The following SLC22A9 variants were observed in gnomAD, a reference collection of about 807,000 sequenced individuals.
SLC22A9 encodes organic anion transporter 7.
A neutral mutation model predicts 50.1 loss-of-function variants in SLC22A9; 64 were observed. That is an observed-to-expected ratio of 1.28 (90% CI 1.04 to 1.57). The LOEUF is 1.57. Ranked by LOEUF, SLC22A9 falls within the 40% of genes most tolerant of loss-of-function variation. The pLI, the probability that SLC22A9 is intolerant of heterozygous loss-of-function variation, is 0.00. For missense variants in SLC22A9, 757 were observed against 676.1 expected (o/e 1.12, Z -1.33); for synonymous variants, 261 against 242.5 (o/e 1.08, Z -0.71).
At chr11:63,374,847 C>T (rs144619473) in intron 4 of SLC22A9, among the ~76,000 whole-genome samples, 1 of 152,006 alleles carries the variant, frequency 6.6e-6, no homozygotes, top group Admixed American at 6.6e-5. Context: ...AAAGAAAGAG[C>T]TGCATGGTTT....
At position 63,408,753 on chromosome 11, in the gene SLC22A9, T is replaced by C; in HGVS notation, c.1475T>C (p.Val492Ala). The change falls in exon 9 of 10, where the codon GTG becomes GCG. Residue 492 changes from valine to alanine, a missense_variant. Physicochemically the swap from Val to Ala is moderately conservative, Grantham distance 64 (BLOSUM62 0). Coordinates refer to ENST00000279178, the MANE Select transcript of SLC22A9 (RefSeq NM_080866.3). ...ALAPLMMILS[V>A]YSPPLPWIIY... ...GCTCCCCTCATGATGATCCTAAGTG[T>C]GTATTCTCCACCCCTGCCCTGGATC... 1 of 1,613,992 alleles carries C rather than the reference T, an allele frequency of 6.2e-7. No homozygotes were observed. Among genetic ancestry groups the C allele is most frequent in the Non-Finnish European group, 8.5e-7 (1 of 1,179,932 alleles).
chr11:63,396,049 A>G (rs1351587579), intron 6 of SLC22A9, among the ~76,000 whole-genome samples: 4 of 152,070 alleles, frequency 2.6e-5, no homozygotes, highest in Non-Finnish European at 4.4e-5. Flanking sequence ...TCTCACTCCC[A>G]TTGTGTCCCA....
intron 6 of SLC22A9, among the ~76,000 whole-genome samples, chr11:63,396,616 G>C (rs960133467): frequency 1.3e-5 from 2 of 152,116 alleles, no homozygotes; most frequent in Non-Finnish European, 2.9e-5. Flanking sequence ...ATCCCGTTTT[G>C]TTTCTGCAGT....
At chr11:63,383,204 G>A (rs1338648497) in intron 6 of SLC22A9, among the ~76,000 whole-genome samples, 1 of 152,172 alleles carries the variant, frequency 6.6e-6, no homozygotes, top group African/African-American at 2.4e-5. Context: ...GGAAGGGAGT[G>A]CAGTATGTGT....
intron 2 of SLC22A9, among the ~76,000 whole-genome samples, chr11:63,372,118 A>C (rs756291078): frequency 7.2e-5 from 11 of 152,174 alleles, no homozygotes; most frequent in Non-Finnish European, 8.8e-5. Flanking sequence ...AATAGATCAC[A>C]GGGTGGTAAA....
chr11:63,407,777 T>C (rs1466685556), intron 7 of SLC22A9, among the ~76,000 whole-genome samples: 1 of 152,154 alleles, frequency 6.6e-6, no homozygotes, highest in Non-Finnish European at 1.5e-5. Context: ...AGTCCTATGT[T>C]CTACCAGGTA....
rs78640827 is a variant in SLC22A9 at position 63,409,967 on chromosome 11, G to A, written c.*105G>A. 13,218 of 1,324,266 alleles carry A rather than the reference G, an allele frequency of 1.0e-2. 1,011 individuals are homozygous for A. In the African/African-American group the frequency reaches 0.17, roughly 17 times the overall value. The allele number at this position is 1,324,266 out of a possible 1,614,324, so 82.0% of individuals were successfully genotyped here. ...TAGAAAATAAATAACAAGGCTGGGT[G>A]CGGTGGCTCACGCCTGTAATCCCAG... On this transcript the variant is annotated 3_prime_UTR_variant, in exon 10 of 10. Coordinates refer to ENST00000279178, the MANE Select transcript of SLC22A9 (RefSeq NM_080866.3).
intron 6 of SLC22A9, among the ~76,000 whole-genome samples, chr11:63,391,205 T>C (rs1175954275): frequency 2.6e-5 from 4 of 152,148 alleles, no homozygotes; most frequent in Non-Finnish European, 5.9e-5. Flanking sequence ...TTCAATTATT[T>C]TGACTTTTTT....
chr11:63,394,436 C>T (rs992791711), intron 6 of SLC22A9, among the ~76,000 whole-genome samples: 1 of 152,204 alleles, frequency 6.6e-6, no homozygotes, highest in South Asian at 2.1e-4. Flanking sequence ...GGTGAATTCT[C>T]TCAGCATTTG....
At chr11:63,381,113 T>C (rs1432660447) in intron 5 of SLC22A9, among the ~76,000 whole-genome samples, 1 of 152,130 alleles carries the variant, frequency 6.6e-6, no homozygotes, top group Non-Finnish European at 1.5e-5. Context: ...TGTTTTAACC[T>C]CCATCTCACA....
At chr11:63,388,356 T>G (rs1028461785) in intron 6 of SLC22A9, among the ~76,000 whole-genome samples, 4 of 151,634 alleles carry the variant, frequency 2.6e-5, no homozygotes, top group Non-Finnish European at 4.4e-5. Context: ...GCCCAGTTTT[T>G]CGAGAGGTTT....
intron 6 of SLC22A9, among the ~76,000 whole-genome samples, chr11:63,403,837 C>A (rs12281229): frequency 0.39 from 59,656 of 151,430 alleles, 15,258 homozygotes; most frequent in African/African-American, 0.71. Flanking sequence ...ATCAATCAAT[C>A]AATAAATAAA....
At chr11:63,374,131 C>A (rs1257823103) in intron 4 of SLC22A9, 69 bp downstream of exon 4, 3 of 1,429,440 alleles carry the variant, frequency 2.1e-6, no homozygotes, top group Non-Finnish European at 2.8e-6. Flanking sequence ...ACTAGGACAC[C>A]TGAATTTCTT....
rs1300749329 is a variant in SLC22A9 at position 63,375,726 on chromosome 11, C to T, written c.912C>T (p.His304=). 1.2e-6 allele frequency: 2 copies of T among 1,612,610 alleles called. No individual in the cohort carries two copies. The highest frequency in any genetic ancestry group is 1.7e-6 in the Non-Finnish European group (2 of 1,179,056). Residue 304 remains histidine (H), a synonymous_variant, in exon 5 of 10, where the codon CAC becomes CAT. Transcript: ENST00000279178. ...EGLKELRKAA[H]RSGMKNARDT... ...TAAAGGAACTTAGAAAAGCTGCACACAGGAGTGGAATGAAGAATGCCAGAG... is the reference window on the plus strand; with the variant it reads ...TAAAGGAACTTAGAAAAGCTGCACATAGGAGTGGAATGAAGAATGCCAGAG...
chr11:63,373,555 C>G, intron 2 of SLC22A9, 89 bp from the exon 3 acceptor site: 2 of 1,319,286 alleles, frequency 1.5e-6, no homozygotes, highest in Non-Finnish European at 2.0e-6. Context: ...TGTTAAACAT[C>G]TTTTAAGTTT....
intron 7 of SLC22A9, among the ~76,000 whole-genome samples, chr11:63,406,965 T>C (rs887410143): frequency 6.6e-5 from 10 of 152,354 alleles, no homozygotes; most frequent in Admixed American, 4.6e-4. Context: ...AAGCCATTTA[T>C]TTCTGACAGT....
chr11:63,372,249 A>G (rs1312359904), intron 2 of SLC22A9, among the ~76,000 whole-genome samples: 1 of 152,182 alleles, frequency 6.6e-6, no homozygotes, highest in Non-Finnish European at 1.5e-5. Flanking sequence ...TTATGTGATT[A>G]TATGCAGAGT....
intron 6 of SLC22A9, among the ~76,000 whole-genome samples, chr11:63,383,317 A>G (rs1378243932): frequency 1.3e-5 from 2 of 152,190 alleles, no homozygotes; most frequent in Non-Finnish European, 2.9e-5. Context: ...CTTAAGAATA[A>G]AACATGATAA....
In SLC22A9 at chr11:63,408,466, A is replaced by C. The variant is rs536933156; in HGVS notation, c.1398-210A>C. Among the ~76,000 whole-genome samples, 73 of 152,366 alleles carry C rather than the reference A, an allele frequency of 4.8e-4. No homozygotes were observed. The South Asian group carries it at 0.014, about 30-fold the overall frequency. ...CTGAGAGGTTGGTGCTAAGGATAGC[A>C]GTATTTCCTAAATGATGAAAATGCA... On this transcript the variant is annotated intron_variant, in intron 8 of 9. Transcript: ENST00000279178.
Sources: allele counts gnomAD v4.1 joint callset (sites outside exome capture counted in the v4.1 genomes callset), GRCh38; gene constraint gnomAD v4.1.1; transcripts MANE v1.5; gene names NCBI Gene and HGNC (gene_info 2026-07-23, HGNC 2026-07-21).